CALN1: variants seen among roughly 807,000 people sequenced by gnomAD.
CALN1 encodes the protein calneuron 1, also known as calcium-binding protein 8.
In CALN1, 17 loss-of-function variants were observed where a neutral mutation model predicts 30.6. That is an observed-to-expected ratio of 0.56 (90% CI 0.38 to 0.83). The LOEUF is 0.83. Ranked by LOEUF, CALN1 falls within the 40% of genes least tolerant of loss-of-function variation. The pLI, the probability that CALN1 is intolerant of heterozygous loss-of-function variation, is 0.00. For synonymous variants in CALN1, 156 were observed against 131.4 expected, an observed-to-expected ratio of 1.19 and a Z score of -1.28; for missense variants, 291 against 354.9, an observed-to-expected ratio of 0.82 and a Z score of 1.45.
the CALN1 span, among the ~76,000 whole-genome samples, chr7:72,501,555 GGGAGGGAA>G: frequency 0.13 from 19,560 of 146,016 alleles, 1,564 homozygotes; most frequent in African/African-American, 0.18. Context: ...GAGGGAGGGA[GGGAGGGAA>G]GAGAAGAAAG....
intron 3 of CALN1, among the ~76,000 whole-genome samples, chr7:72,158,345 G>A (rs1268487976): frequency 6.6e-6 from 1 of 152,204 alleles, no homozygotes; most frequent in Admixed American, 6.5e-5. Flanking sequence ...CAAAGAGAAA[G>A]AGTAGGAGGC....
chr7:71,882,543 T>C (rs918254984), intron 5 of CALN1, among the ~76,000 whole-genome samples: 4 of 152,192 alleles, frequency 2.6e-5, no homozygotes, highest in African/African-American at 9.7e-5. Context: ...ACTGTGGCTT[T>C]AGCCACACTA....
chr7:71,975,642 G>T (rs1459810715), intron 5 of CALN1, among the ~76,000 whole-genome samples: 2 of 151,786 alleles, frequency 1.3e-5, no homozygotes, highest in Admixed American at 1.3e-4. Context: ...TGTGACCCAG[G>T]CTGGTCTTGA....
chr7:72,406,312 A>C (rs1449589777), intron 1 of CALN1, among the ~76,000 whole-genome samples: 1 of 152,010 alleles, frequency 6.6e-6, no homozygotes, highest in Non-Finnish European at 1.5e-5. Context: ...ATCTTCCCCC[A>C]ATTTAACTGG....
At chr7:71,871,061 A>G (rs1791895945) in intron 5 of CALN1, among the ~76,000 whole-genome samples, 1 of 152,160 alleles carries the variant, frequency 6.6e-6, no homozygotes, top group Non-Finnish European at 1.5e-5. Flanking sequence ...AAGAAAAAAG[A>G]AAAAAAGGTA....
chr7:72,384,182 A>C (rs1400735976), intron 2 of CALN1, among the ~76,000 whole-genome samples: 1 of 152,092 alleles, frequency 6.6e-6, no homozygotes, highest in Non-Finnish European at 1.5e-5. Flanking sequence ...GCCTTTAATA[A>C]AATAGTTTTT....
intron 3 of CALN1, among the ~76,000 whole-genome samples, chr7:72,120,770 T>C (rs931939926): frequency 2.6e-5 from 4 of 152,112 alleles, no homozygotes; most frequent in Admixed American, 2.6e-4. Flanking sequence ...ATTACAAGGC[T>C]ACGCTTCAAG....
intron 2 of CALN1, among the ~76,000 whole-genome samples, chr7:72,284,849 A>C (rs944793690): frequency 4.6e-5 from 7 of 152,154 alleles, no homozygotes; most frequent in African/African-American, 1.7e-4. Flanking sequence ...ATAGAGATAT[A>C]TGATAGATGA....
intron 5 of CALN1, among the ~76,000 whole-genome samples, chr7:71,979,597 A>G (rs1033944144): frequency 6.6e-6 from 1 of 152,088 alleles, no homozygotes; most frequent in African/African-American, 2.4e-5. Context: ...TCACTGACTC[A>G]CCCACCTCTC....
intron 3 of CALN1, among the ~76,000 whole-genome samples, chr7:72,176,390 G>A (rs1789359616): frequency 6.6e-6 from 1 of 152,172 alleles, no homozygotes. Context: ...CAAATCTCTT[G>A]TTGAAATATG....
intron 3 of CALN1, among the ~76,000 whole-genome samples, chr7:72,135,035 C>T (rs557983083): frequency 1.4e-4 from 22 of 152,280 alleles, no homozygotes; most frequent in South Asian, 4.1e-4. Context: ...GAAGCAACTC[C>T]GCATCCATTC....
intron 3 of CALN1, among the ~76,000 whole-genome samples, chr7:72,191,550 C>A (rs1371230552): frequency 1.6e-5 from 1 of 62,210 alleles, no homozygotes; most frequent in Non-Finnish European, 2.6e-5. Flanking sequence ...GAGACTCCGT[C>A]TCAAAAAAAA....
chr7:72,260,635 T>C (rs1481820246), intron 3 of CALN1, among the ~76,000 whole-genome samples: 1 of 151,984 alleles, frequency 6.6e-6, no homozygotes, highest in East Asian at 1.9e-4. Context: ...AAAACCATGA[T>C]CAATCATGCA....
intron 4 of CALN1, among the ~76,000 whole-genome samples, chr7:72,091,204 C>T (rs1191480536): frequency 6.6e-6 from 1 of 152,138 alleles, no homozygotes; most frequent in African/African-American, 2.4e-5. Context: ...TGGTGGTGCA[C>T]ACCTGTAATC....
At chr7:71,887,494 C>T (rs1792981869) in intron 5 of CALN1, among the ~76,000 whole-genome samples, 1 of 152,126 alleles carries the variant, frequency 6.6e-6, no homozygotes, top group Admixed American at 6.5e-5. Context: ...GGGGTTTCTC[C>T]ATGTTGGTGG....
chr7:72,325,223 AG>A (rs1447086186), intron 2 of CALN1, among the ~76,000 whole-genome samples: 3 of 152,168 alleles, frequency 2.0e-5, no homozygotes, highest in South Asian at 2.1e-4. Flanking sequence ...ATTTGAGCCC[AG>A]GAAGTTGAGG....
At chr7:72,231,624 T>C (rs1319942326) in intron 3 of CALN1, among the ~76,000 whole-genome samples, 3 of 152,328 alleles carry the variant, frequency 2.0e-5, no homozygotes, top group South Asian at 2.1e-4. Flanking sequence ...CAGAATGATA[T>C]TTTATTGCTA....
intron 3 of CALN1, among the ~76,000 whole-genome samples, chr7:72,253,480 G>C (rs978533148): frequency 1.3e-5 from 2 of 152,176 alleles, no homozygotes; most frequent in African/African-American, 2.4e-5. Flanking sequence ...CATGGCTAAG[G>C]GGGCCTCAGA....
At chr7:72,249,308 C>G (rs1309533091) in intron 3 of CALN1, among the ~76,000 whole-genome samples, 1 of 152,204 alleles carries the variant, frequency 6.6e-6, no homozygotes, top group Non-Finnish European at 1.5e-5. Flanking sequence ...TGCCCATACA[C>G]AGCTCATGAA....
Sources: gnomAD v4.1 joint callset for allele counts (sites outside exome capture counted in the v4.1 genomes callset) on GRCh38, gnomAD v4.1.1 for gene constraint, MANE v1.5 for transcripts, NCBI Gene and HGNC (gene_info 2026-07-23, HGNC 2026-07-21) for gene names.